CTNNA3: variants seen among roughly 807,000 people sequenced by gnomAD.
CTNNA3 encodes the protein catenin alpha-3.
In CTNNA3, 76 loss-of-function variants were observed where a neutral mutation model predicts 95.7. That is an observed-to-expected ratio of 0.79 (90% confidence interval 0.66 to 0.96). CTNNA3 has a LOEUF of 0.96. Ranked by LOEUF, CTNNA3 falls within the 40% of genes least tolerant of loss-of-function variation. The probability of loss-of-function intolerance (pLI) is 0.00; values close to 1 mark genes in which losing one functional copy is unlikely to be tolerated. For synonymous variants in CTNNA3, 431 were observed against 374.4 expected, an observed-to-expected ratio of 1.15 and a Z score of -1.74; for missense variants, 1,191 against 1,089.8, an observed-to-expected ratio of 1.09 and a Z score of -1.31.
chr10:67,375,328 G>A (rs780468372), intron 5 of CTNNA3, among the ~76,000 whole-genome samples: 9 of 152,182 alleles, frequency 5.9e-5, no homozygotes, highest in South Asian at 4.1e-4. Context: ...GCAATGGGCC[G>A]GGTGCAGTGG....
At chr10:67,431,900 T>C (rs1846122854) in intron 5 of CTNNA3, among the ~76,000 whole-genome samples, 1 of 151,892 alleles carries the variant, frequency 6.6e-6, no homozygotes, top group Admixed American at 6.6e-5. Flanking sequence ...AAAACATGTT[T>C]CTCCTCCAGT....
At chr10:66,820,412 C>A (rs80296933) in intron 7 of CTNNA3, among the ~76,000 whole-genome samples, 502 of 151,750 alleles carry the variant, frequency 3.3e-3, no homozygotes, top group African/African-American at 8.3e-3. Flanking sequence ...ATGATCATAG[C>A]TGCACAATTT....
intron 13 of CTNNA3, among the ~76,000 whole-genome samples, chr10:66,238,746 G>A (rs532794822): frequency 2.0e-5 from 3 of 151,590 alleles, no homozygotes; most frequent in Non-Finnish European, 3.0e-5. Context: ...AGTTATCTCT[G>A]GGTGATAAGA....
At chr10:67,691,233 G>A (rs183855117) in intron 1 of CTNNA3, among the ~76,000 whole-genome samples, 1,908 of 152,224 alleles carry the variant, frequency 0.013, 21 homozygotes, top group Non-Finnish European at 0.021. Context: ...GCATGATCTC[G>A]GCTCACTACA....
rs151110169 is a variant in CTNNA3 at position 66,274,637 on chromosome 10, G to C, written c.1884+5833C>G. Among the ~76,000 whole-genome samples the C allele has an allele frequency of 1.9e-3, 285 of 152,136 alleles. 1 individual carries two copies. Among genetic ancestry groups the C allele is most frequent in the African/African-American group, 6.6e-3 (272 of 41,512 alleles). ...TATTTAAAATTAGCTATTTTCTGAGGTGTTGGCTATGGAGTTGATTATTTT... is the reference window on the plus strand; with the variant it reads ...TATTTAAAATTAGCTATTTTCTGAGCTGTTGGCTATGGAGTTGATTATTTT... On this transcript the variant is annotated intron_variant, in intron 13 of 17. Coordinates refer to ENST00000433211, the MANE Select transcript of CTNNA3 (RefSeq NM_013266.4).
At chr10:66,586,889 C>T (rs1413658585) in intron 10 of CTNNA3, among the ~76,000 whole-genome samples, 1 of 152,122 alleles carries the variant, frequency 6.6e-6, no homozygotes, top group Non-Finnish European at 1.5e-5. Context: ...ATGTGGTTCA[C>T]TACTCTTTCC....
chr10:66,182,279 G>A (rs559329549), intron 13 of CTNNA3, among the ~76,000 whole-genome samples: 6 of 142,414 alleles, frequency 4.2e-5, no homozygotes, highest in East Asian at 2.0e-4. Context: ...TTTTTGAGAC[G>A]GAGTCTCGCT....
chr10:67,420,544 G>C (rs1441094822), intron 5 of CTNNA3, among the ~76,000 whole-genome samples: 1 of 152,180 alleles, frequency 6.6e-6, no homozygotes, highest in African/African-American at 2.4e-5. Flanking sequence ...ACATCAGAGG[G>C]ATTTTAGGAG....
chr10:67,201,791 A>G (rs879799899), intron 6 of CTNNA3, among the ~76,000 whole-genome samples: 2 of 152,222 alleles, frequency 1.3e-5, no homozygotes, highest in Non-Finnish European at 2.9e-5. Flanking sequence ...GAAAGAAACC[A>G]AAAGATTCAT....
At chr10:67,554,907 A>C (rs1841178635) in intron 3 of CTNNA3, among the ~76,000 whole-genome samples, 1 of 152,174 alleles carries the variant, frequency 6.6e-6, no homozygotes, top group Non-Finnish European at 1.5e-5. Context: ...TTAAGTCTTT[A>C]ATCCATCTGG....
At chr10:67,558,466 G>T (rs1368248079) in intron 3 of CTNNA3, among the ~76,000 whole-genome samples, 1 of 152,206 alleles carries the variant, frequency 6.6e-6, no homozygotes, top group Non-Finnish European at 1.5e-5. Context: ...ATATGTCAAA[G>T]TGTTCTGAAA....
At chr10:67,727,094 TATATA>T (rs1419534972) in intron 1 of CTNNA3, among the ~76,000 whole-genome samples, 13 of 118,112 alleles carry the variant, frequency 1.1e-4, no homozygotes, top group East Asian at 9.5e-4. Context: ...GATATAATTA[TATATA>T]ATATATGATA....
chr10:65,979,561 G>A (rs1444620773), intron 16 of CTNNA3, among the ~76,000 whole-genome samples: 2 of 152,062 alleles, frequency 1.3e-5, no homozygotes, highest in Non-Finnish European at 2.9e-5. Context: ...AAGATAGCCA[G>A]CCAACTACAA....
intron 13 of CTNNA3, among the ~76,000 whole-genome samples, chr10:66,242,273 T>A (rs12572408): frequency 6.6e-6 from 1 of 151,968 alleles, no homozygotes; most frequent in African/African-American, 2.4e-5. Context: ...CAACAGAAAA[T>A]AGATTAATAC....
chr10:67,558,895 A>G (rs1841363700), intron 3 of CTNNA3, among the ~76,000 whole-genome samples: 1 of 152,190 alleles, frequency 6.6e-6, no homozygotes, highest in South Asian at 2.1e-4. Flanking sequence ...CTAGCACATC[A>G]GGCTGAGATC....
intron 12 of CTNNA3, among the ~76,000 whole-genome samples, chr10:66,348,864 C>T (rs1277450771): frequency 6.6e-6 from 1 of 151,886 alleles, no homozygotes; most frequent in African/African-American, 2.4e-5. Flanking sequence ...ACAAAATTTC[C>T]TGGTGCTTCT....
At chr10:66,067,489 C>G (rs1438694246) in intron 15 of CTNNA3, among the ~76,000 whole-genome samples, 2 of 152,168 alleles carry the variant, frequency 1.3e-5, no homozygotes, top group African/African-American at 2.4e-5. Context: ...ACAATTTATC[C>G]TGTGTCTTTG....
chr10:65,950,235 C>T (rs939041854), intron 17 of CTNNA3, among the ~76,000 whole-genome samples: 1 of 152,124 alleles, frequency 6.6e-6, no homozygotes, highest in Non-Finnish European at 1.5e-5. Flanking sequence ...TATGCAACAA[C>T]AAGCATAAAT....
intron 10 of CTNNA3, among the ~76,000 whole-genome samples, chr10:66,553,525 T>TC (rs1170266340): frequency 3.3e-5 from 4 of 119,650 alleles, no homozygotes; most frequent in Non-Finnish European, 7.0e-5. Flanking sequence ...TTCTTTTTTT[T>TC]TTTTTTTTTT....
Sources: allele counts gnomAD v4.1 joint callset (sites outside exome capture counted in the v4.1 genomes callset), GRCh38; gene constraint gnomAD v4.1.1; transcripts MANE v1.5; gene names NCBI Gene and HGNC (gene_info 2026-07-23, HGNC 2026-07-21).